ERICH6: variants seen among roughly 807,000 people sequenced by gnomAD.
ERICH6 encodes glutamate rich 6, also known as glutamate-rich protein 6.
Under a neutral mutation model 71.0 loss-of-function variants are expected in ERICH6, and 71 were observed. The ratio of observed to expected loss-of-function variants is 1.00; its 90% CI spans 0.83 to 1.22. The LOEUF (loss-of-function observed/expected upper bound fraction) is 1.22, where lower values mean the gene tolerates loss of function less well. ERICH6 is among the 50% of genes most tolerant of loss of function. The pLI is 0.00. For missense variants in ERICH6, 808 were observed against 797.2 expected, an observed-to-expected ratio of 1.01 and a Z score of -0.16; for synonymous variants, 262 against 278.4, an observed-to-expected ratio of 0.94 and a Z score of 0.59.
rs565711125 is a variant in ERICH6 at position 150,686,345 on chromosome 3, G to T, written c.563C>A (p.Ala188Asp). Residue 188 changes from alanine (A) to aspartate (D), a missense_variant, in exon 4 of 14, where the codon GCC becomes GAC. Physicochemically the swap from Ala to Asp is moderately radical, Grantham distance 126. Coordinates refer to ENST00000295910, the MANE Select transcript of ERICH6 (RefSeq NM_152394.5). ...LSDKVQSRKK[A>D]SKEKAEPECL... ...TTCAGGTTCAGCTTTCTCTTTAGAG[G>T]CTTTCTTCCCTGTGAAAACAGGGTA... The T allele has an allele frequency of 1.4e-5, 23 of 1,614,126 alleles. No individual in the cohort carries two copies. In the East Asian group the frequency reaches 5.1e-4, roughly 36 times the overall value.
chr3:150,692,672 T>C (rs1271719163), intron 3 of ERICH6, among the ~76,000 whole-genome samples: 1 of 152,166 alleles, frequency 6.6e-6, no homozygotes, highest in Non-Finnish European at 1.5e-5. Flanking sequence ...TGAGTTAATG[T>C]ACATTATCAG....
chr3:150,699,787 C>T (rs1712795618), intron 2 of ERICH6, among the ~76,000 whole-genome samples: 1 of 149,752 alleles, frequency 6.7e-6, no homozygotes, highest in Admixed American at 6.7e-5. Context: ...AGAACAAGCA[C>T]TGGTTCTTCG....
intron 13 of ERICH6, among the ~76,000 whole-genome samples, chr3:150,661,150 CA>C (rs1258473809): frequency 1.3e-5 from 2 of 152,064 alleles, no homozygotes; most frequent in Non-Finnish European, 2.9e-5. Context: ...CCTGAAAAAT[CA>C]AAAAGCAGAT....
intron 3 of ERICH6, among the ~76,000 whole-genome samples, chr3:150,691,354 T>G (rs541025153): frequency 1.3e-5 from 2 of 152,250 alleles, no homozygotes; most frequent in Non-Finnish European, 2.9e-5. Flanking sequence ...GGTGTCCTTT[T>G]AAAAAAGGTG....
intron 2 of ERICH6, among the ~76,000 whole-genome samples, chr3:150,701,694 A>C (rs1397195826): frequency 6.6e-6 from 1 of 152,208 alleles, no homozygotes; most frequent in East Asian, 1.9e-4. Flanking sequence ...GTATCTTCTT[A>C]CTATAGTTAA....
At chr3:150,660,685 C>T (rs964197648) in intron 13 of ERICH6, among the ~76,000 whole-genome samples, 5 of 152,236 alleles carry the variant, frequency 3.3e-5, no homozygotes, top group South Asian at 2.1e-4. Context: ...CAGCTTTTGA[C>T]GATTCAAGGC....
rs1246453892 is a variant in ERICH6 at position 150,676,915 on chromosome 3, G to A, written c.1257+1494C>T. Among the ~76,000 whole-genome samples, 14 of 151,970 alleles carry A rather than the reference G, an allele frequency of 9.2e-5. No homozygotes were observed. In the South Asian group the frequency reaches 1.7e-3, roughly 18 times the overall value. ...TGCAACCTCTGTCTCCCAGGTTCAA[G>A]CAATTCTCTGCCTCAGCCTCCCAAG... On this transcript the variant is annotated intron_variant, in intron 10 of 13. Transcript: ENST00000295910.
chr3:150,679,360 C>G (rs1711803354), intron 9 of ERICH6, among the ~76,000 whole-genome samples: 1 of 152,128 alleles, frequency 6.6e-6, no homozygotes, highest in Admixed American at 6.6e-5. Context: ...TTTTATCCCT[C>G]ACTACCCTCC....
At chr3:150,701,243 A>G (rs892127619) in intron 2 of ERICH6, among the ~76,000 whole-genome samples, 1 of 152,244 alleles carries the variant, frequency 6.6e-6, no homozygotes, top group African/African-American at 2.4e-5. Context: ...TGATGAATCA[A>G]GAAGTAGAGG....
chr3:150,666,525 G>T (rs1419039995), intron 13 of ERICH6, among the ~76,000 whole-genome samples: 4 of 152,140 alleles, frequency 2.6e-5, no homozygotes, highest in African/African-American at 9.7e-5. Flanking sequence ...CCCCAGAGCA[G>T]CACTACTCTG....
At position 150,680,485 on chromosome 3, in the gene ERICH6, GTC is replaced by G; in HGVS notation, c.1092_1093del (p.Gln364HisfsTer5). ...GAACTCACCATCTTCAGAGAAATGA[GTC>G]TGTTCCCTTGATATTATTGCAAAAT... On this transcript the variant is annotated frameshift_variant, in exon 9 of 14. Transcript: ENST00000295910. LOFTEE classifies it high-confidence loss of function. 1 of 1,614,194 alleles carries G rather than the reference GTC, an allele frequency of 6.2e-7. No individual in the cohort carries two copies. The highest frequency in any genetic ancestry group is 8.5e-7 in the Non-Finnish European group (1 of 1,180,024).
In ERICH6 at chr3:150,686,053, T is replaced by C. The variant is rs1712172817; in HGVS notation, c.611-32A>G. 2.6e-6 allele frequency: 4 copies of C among 1,552,342 alleles called. No homozygotes were observed. In the African/African-American group the frequency reaches 4.1e-5, roughly 16 times the overall value. ...AGAAAGAATAGATTCATAAGAAATG[T>C]TTAAAGCCTTTGTGCAGTGCATTCC... On this transcript the variant is annotated intron_variant, in intron 4 of 13. Coordinates refer to ENST00000295910, the MANE Select transcript of ERICH6 (RefSeq NM_152394.5).
intron 10 of ERICH6, among the ~76,000 whole-genome samples, chr3:150,675,404 A>G (rs150310643): frequency 0.01 from 1,528 of 152,012 alleles, 18 homozygotes; most frequent in South Asian, 0.035. Flanking sequence ...GCTGCTGTGC[A>G]GTGGTAAGAT....
chr3:150,681,075 C>T lies in ERICH6; in HGVS notation c.883-145G>A, dbSNP rs1711909401. 4.9e-6 allele frequency: 4 copies of T among 808,666 alleles called. No homozygotes were observed. The East Asian group carries it at 1.1e-4, about 22-fold the overall frequency. 50.1% of individuals were successfully genotyped at this position (808,666 alleles called of 1,614,324 possible). On this transcript the variant is annotated intron_variant, in intron 7 of 13. Transcript: ENST00000295910. ...CTTTATTAAGATATAATTCACATAC[C>T]ATACAATTCACCCATTTAAAAAGTA...
intron 13 of ERICH6, among the ~76,000 whole-genome samples, chr3:150,665,487 AG>A (rs1727374993): frequency 8.0e-6 from 1 of 124,254 alleles, no homozygotes; most frequent in Non-Finnish European, 1.6e-5. Flanking sequence ...ACTGCACTCC[AG>A]CCTGGCGACG....
rs757608734 is a variant in ERICH6 at position 150,680,906 on chromosome 3, T to G, written c.907A>C (p.Asn303His). The G allele has an allele frequency of 1.9e-6, 3 of 1,611,478 alleles. No individual in the cohort carries two copies. The East Asian group carries it at 6.7e-5, about 36-fold the overall frequency. ...TCCTCATAGATATAGTCAATCAGAT[T>G]TTGGAAAGCAATACAACAGGAGGCC... is the stretch of plus-strand genomic sequence containing the variant. ...GHASCCIAFQ[N>H]LIDYIYEEQI... is the part of the protein sequence containing the mutation. Residue 303 changes from asparagine to histidine, a missense_variant, in exon 8 of 14, where the codon AAT (asparagine) becomes CAT (histidine). Transcript: ENST00000295910.
intron 10 of ERICH6, among the ~76,000 whole-genome samples, chr3:150,675,531 T>G (rs1711618269): frequency 6.6e-6 from 1 of 152,134 alleles, no homozygotes; most frequent in Non-Finnish European, 1.5e-5. Context: ...GTATTTTTAG[T>G]AGAGATGGGG....
chr3:150,703,513 C>A lies in ERICH6; in HGVS notation c.386G>T (p.Ser129Ile). The A allele has an allele frequency of 6.2e-7, 1 of 1,604,980 alleles. No homozygotes were observed. Among genetic ancestry groups the A allele is most frequent in the African/African-American group, 1.3e-5 (1 of 74,926 alleles). Reference sequence around the variant, plus strand: ...GGCGGTACTTTTATGCGAGGAGGTGCTGGAGGGTGGGCTTGCGCTCGGCGT... The same window carrying A: ...GGCGGTACTTTTATGCGAGGAGGTGATGGAGGGTGGGCTTGCGCTCGGCGT... ...TETPSASPPSSTSSHKSFPKI... is the reference protein window; with the variant it reads ...TETPSASPPSITSSHKSFPKI... Residue 129 changes from serine to isoleucine, a missense_variant, in exon 1 of 14, where the codon AGC becomes ATC. This residue lies in a region of ERICH6 where 736 missense variants were observed against 712.2 expected (regional missense o/e 1.03). Transcript: ENST00000295910.
chr3:150,698,887 A>T lies in ERICH6; in HGVS notation c.462-5T>A, dbSNP rs374788746. 7 of 1,608,788 alleles carry T rather than the reference A, an allele frequency of 4.4e-6. No homozygotes were observed. In the African/African-American group the frequency reaches 8.0e-5, roughly 18 times the overall value. On this transcript the variant is annotated splice_region_variant and splice_polypyrimidine_tract_variant and intron_variant, in intron 2 of 13. Transcript: ENST00000295910. ...GACAAATTGCGATGAATATTTCTGA[A>T]ATTTCGACAAAAATGTTTTGAGTAT...
Sources: allele counts gnomAD v4.1 joint callset (sites outside exome capture counted in the v4.1 genomes callset), GRCh38; gene constraint gnomAD v4.1.1; regional missense constraint gnomAD v4.1.1; transcripts MANE v1.5; gene names NCBI Gene and HGNC (gene_info 2026-07-23, HGNC 2026-07-21).